The following MYOF variants were observed in gnomAD, a reference collection of about 807,000 sequenced individuals.
MYOF encodes the protein myoferlin.
MYOF carries 244 observed loss-of-function variants against 284.2 expected under a neutral mutation model. The ratio of observed to expected loss-of-function variants is 0.86; its 90% CI spans 0.77 to 0.95. The LOEUF (loss-of-function observed/expected upper bound fraction) is 0.95, where lower values mean the gene tolerates loss of function less well. Among genes scored for constraint, MYOF ranks in the 40% least tolerant of loss-of-function variants. MYOF has a pLI of 0.00. For synonymous variants in MYOF, 904 were observed against 919.7 expected (o/e 0.98, Z 0.31); for missense variants, 2,496 against 2,560.6 (o/e 0.97, Z 0.54).
At chr10:93,480,332 T>G (rs1422359510) in intron 1 of MYOF, among the ~76,000 whole-genome samples, 1 of 152,132 alleles carries the variant, frequency 6.6e-6, no homozygotes, top group Non-Finnish European at 1.5e-5. Flanking sequence ...GGGAAGAAAG[T>G]TTGAGCAAGG....
At chr10:93,380,299 A>G (rs1846054342) in intron 20 of MYOF, among the ~76,000 whole-genome samples, 1 of 152,218 alleles carries the variant, frequency 6.6e-6, no homozygotes, top group African/African-American at 2.4e-5. Flanking sequence ...GAAAATACAG[A>G]TGACATAGGA....
intron 43 of MYOF, 47 bp from the exon 44 acceptor site, chr10:93,329,881 A>G: frequency 6.3e-7 from 1 of 1,596,662 alleles, no homozygotes; most frequent in Non-Finnish European, 8.6e-7. Context: ...CCATCTGAGT[A>G]CCTCACAAAA....
chr10:93,405,348 AG>A (rs1264553857), intron 7 of MYOF, among the ~76,000 whole-genome samples: 1 of 152,268 alleles, frequency 6.6e-6, no homozygotes, highest in Admixed American at 6.5e-5. Context: ...GATCTATGCA[AG>A]AATCATACGT....
At chr10:93,447,331 G>A (rs2056459771) in intron 3 of MYOF, among the ~76,000 whole-genome samples, 1 of 152,008 alleles carries the variant, frequency 6.6e-6, no homozygotes, top group Non-Finnish European at 1.5e-5. Flanking sequence ...CATGACTAGT[G>A]TAAACTGACT....
intron 7 of MYOF, 97 bp downstream of exon 7, chr10:93,408,690 C>T: frequency 1.3e-6 from 2 of 1,522,172 alleles, no homozygotes; most frequent in South Asian, 2.5e-5. Context: ...GTGATCTCTA[C>T]TTGGAACTCA....
At chr10:93,377,537 A>G in intron 21 of MYOF, 108 bp from the exon 22 acceptor site, 1 of 797,420 alleles carries the variant, frequency 1.3e-6, no homozygotes, top group Non-Finnish European at 2.0e-6. Flanking sequence ...TGTATATTCA[A>G]AAAACAAATA....
chr10:93,340,154 T>C lies in MYOF; in HGVS notation c.4337A>G (p.Lys1446Arg). Residue 1446 changes from lysine (K) to arginine (R), a missense_variant and splice_region_variant, in exon 39 of 54, where the codon AAG becomes AGG. Lys to Arg is a conservative substitution (Grantham distance 26). This residue lies in a region of MYOF where 2,436 missense variants were observed against 2,480.7 expected (regional missense o/e 0.98). Transcript: ENST00000359263. ...KPLLASKLTEKEEEIVDWWSK... is the reference protein window; with the variant it reads ...KPLLASKLTEREEEIVDWWSK... ...TAGCAAAATGTATACCATAGTTACC[T>C]TTTCTGTCAGCTGCTCGTGCACATG... 6.2e-7 allele frequency: 1 copy of C among 1,613,906 alleles called. No individual in the cohort carries two copies. Among genetic ancestry groups the C allele is most frequent in the Non-Finnish European group, 8.5e-7 (1 of 1,179,876 alleles).
chr10:93,333,364 G>T, intron 42 of MYOF, 52 bp from the exon 43 acceptor site: 1 of 1,499,928 alleles, frequency 6.7e-7, no homozygotes, highest in Non-Finnish European at 9.3e-7. Flanking sequence ...GCAAGGTGAA[G>T]TCAAGTTCAG....
rs1847062284 is a variant in MYOF, at chr10:93,397,253, T to C, written c.1328A>G (p.Tyr443Cys). The C allele has an allele frequency of 1.3e-6, 2 of 1,589,890 alleles. No homozygotes were observed. The highest frequency in any genetic ancestry group is 2.7e-5 in the African/African-American group (2 of 74,314). ...ATACGTATTTTCAACTCACCAGTCA[T>C]ATATTGTTAGTTTTATTTTTTCACA... is the stretch of plus-strand genomic sequence containing the variant. ...SVCEKIKLTI[Y>C]DWDRLTKNDV... Residue 443 changes from tyrosine (Y) to cysteine (C), a missense_variant, in exon 15 of 54, where the codon TAT (tyrosine) becomes TGT (cysteine). Transcript: ENST00000359263.
At chr10:93,373,152 G>A in intron 23 of MYOF, 67 bp from the exon 24 acceptor site, 1 of 1,579,894 alleles carries the variant, frequency 6.3e-7, no homozygotes, top group Non-Finnish European at 8.7e-7. Flanking sequence ...AGGGACCGAA[G>A]ACCCTGCAGG....
intron 4 of MYOF, among the ~76,000 whole-genome samples, chr10:93,427,207 C>A (rs368735077): frequency 0.15 from 20,689 of 134,418 alleles, 1,547 homozygotes; most frequent in Middle Eastern, 0.22. Context: ...TAAAACAAAA[C>A]AAAACAAAAC....
At chr10:93,435,047 T>C (rs1849057684) in intron 3 of MYOF, among the ~76,000 whole-genome samples, 2 of 152,130 alleles carry the variant, frequency 1.3e-5, no homozygotes, top group Non-Finnish European at 2.9e-5. Context: ...AAACTAGAGG[T>C]TTAAAAGTCA....
chr10:93,482,158 G>A lies in MYOF; in HGVS notation c.37C>T (p.Pro13Ser). The A allele has an allele frequency of 6.2e-7, 1 of 1,614,098 alleles. No individual in the cohort carries two copies. The change falls in exon 1 of 54, where the codon CCT (proline) becomes TCT (serine). Residue 13 changes from proline (P) to serine (S), a missense_variant. Coordinates refer to ENST00000359263, the MANE Select transcript of MYOF (RefSeq NM_013451.4). ...TCCGGCTTGCCAAATTTCGTTTTAG[G>A]GATATTGCTGGCAGATTCCACAATC... is the stretch of plus-strand genomic sequence containing the variant. ...RVIVESASNI[P>S]KTKFGKPDPI...
intron 4 of MYOF, among the ~76,000 whole-genome samples, chr10:93,431,206 T>G (rs1214646712): frequency 6.6e-6 from 1 of 151,996 alleles, no homozygotes; most frequent in Non-Finnish European, 1.5e-5. Flanking sequence ...TTTTTGTATT[T>G]TTAGTTGGGA....
chr10:93,409,593 T>C lies in MYOF; in HGVS notation c.580A>G (p.Asn194Asp). The C allele has an allele frequency of 6.2e-7, 1 of 1,613,988 alleles. No homozygotes were observed. Among genetic ancestry groups the C allele is most frequent in the South Asian group, 1.1e-5 (1 of 91,050 alleles). Reference protein sequence around the residue: ...KVKNSRRMLSNKPQDFQIRVR... With the variant: ...KVKNSRRMLSDKPQDFQIRVR... Reference sequence around the variant, plus strand: ...GCTACCTGGAAGTCCTGTGGCTTATTTGACAGCATCCGCCGGCTGTTCTTT... The same window carrying C: ...GCTACCTGGAAGTCCTGTGGCTTATCTGACAGCATCCGCCGGCTGTTCTTT... The change falls in exon 6 of 54, where the codon AAT (asparagine) becomes GAT (aspartate). Residue 194 changes from asparagine (N) to aspartate (D), a missense_variant. Around this residue, in one of 3 missense-constraint regions of MYOF, gnomAD observed 2,436 missense variants for 2,480.7 expected, o/e 0.98. Coordinates refer to ENST00000359263, the MANE Select transcript of MYOF (RefSeq NM_013451.4).
chr10:93,348,251 A>C (rs1301964194), intron 36 of MYOF, among the ~76,000 whole-genome samples: 1 of 152,164 alleles, frequency 6.6e-6, no homozygotes, highest in Non-Finnish European at 1.5e-5. Context: ...TTCTGAGCAG[A>C]CTTTAGAAAT....
intron 48 of MYOF, among the ~76,000 whole-genome samples, chr10:93,321,412 C>CTTTTTTT (rs35765868): frequency 8.3e-6 from 1 of 121,188 alleles, no homozygotes; most frequent in African/African-American, 2.9e-5. Context: ...GACTATTAAC[C>CTTTTTTT]TTTTTTTTTT....
At chr10:93,373,755 G>A (rs1407470299) in intron 23 of MYOF, among the ~76,000 whole-genome samples, 1 of 152,200 alleles carries the variant, frequency 6.6e-6, no homozygotes, top group South Asian at 2.1e-4. Context: ...AGAGACAGGA[G>A]GAGTCGTCTC....
chr10:93,426,031 C>T (rs1367654109), intron 5 of MYOF, 40 bp downstream of exon 5: 2 of 1,534,766 alleles, frequency 1.3e-6, no homozygotes, highest in East Asian at 4.9e-5. Context: ...TTAGCAGCCT[C>T]CCCCTGGGGG....
Sources: gnomAD v4.1 joint callset for allele counts (sites outside exome capture counted in the v4.1 genomes callset) on GRCh38, gnomAD v4.1.1 for gene constraint, gnomAD v4.1.1 regional missense constraint, MANE v1.5 for transcripts, NCBI Gene and HGNC (gene_info 2026-07-23, HGNC 2026-07-21) for gene names.